The following NPAS2 variants were observed in gnomAD, a reference collection of about 807,000 sequenced individuals.
The protein encoded by NPAS2 is neuronal PAS domain-containing protein 2.
NPAS2 carries 23 observed loss-of-function variants against 107.5 expected under a neutral mutation model. The observed-to-expected ratio is 0.21, with a 90% CI of 0.15 to 0.30. The LOEUF (loss-of-function observed/expected upper bound fraction) is 0.30. Ranked by LOEUF, NPAS2 falls within the 10% of genes least tolerant of loss-of-function variation. NPAS2 has a pLI of 1.00. For missense variants in NPAS2, 756 were observed against 1,043.3 expected, an observed-to-expected ratio of 0.72 and a Z score of 3.79; for synonymous variants, 403 against 417.5, an observed-to-expected ratio of 0.97 and a Z score of 0.42.
intron 5 of NPAS2, among the ~76,000 whole-genome samples, chr2:100,944,013 T>C (rs756165374): frequency 6.6e-6 from 1 of 152,228 alleles, no homozygotes; most frequent in African/African-American, 2.4e-5. Flanking sequence ...GTACCTTTTA[T>C]ATCTCAATTA....
chr2:100,870,882 G>C (rs1679540383), intron 1 of NPAS2, among the ~76,000 whole-genome samples: 1 of 152,206 alleles, frequency 6.6e-6, no homozygotes, highest in African/African-American at 2.4e-5. Flanking sequence ...GGGAGTCAAT[G>C]CTTCCTCTCA....
At chr2:100,982,493 C>G in intron 16 of NPAS2, 116 bp downstream of exon 16, 1 of 1,223,016 alleles carries the variant, frequency 8.2e-7, no homozygotes, top group African/African-American at 1.5e-5. Context: ...CTGCCAAGCC[C>G]CATTTGCTTA....
intron 1 of NPAS2, among the ~76,000 whole-genome samples, chr2:100,884,423 G>A: frequency 6.6e-6 from 1 of 152,170 alleles, no homozygotes; most frequent in Admixed American, 6.5e-5. Context: ...TGTATGTCTT[G>A]TACAGCTCAC....
chr2:100,832,654 C>A (rs1017156778), intron 1 of NPAS2, among the ~76,000 whole-genome samples: 2 of 152,116 alleles, frequency 1.3e-5, no homozygotes, highest in Non-Finnish European at 2.9e-5. Context: ...CCCAGAAGAA[C>A]GTTGCTGCTG....
chr2:100,980,345 C>T (rs1677359917), intron 15 of NPAS2, among the ~76,000 whole-genome samples: 3 of 152,304 alleles, frequency 2.0e-5, no homozygotes, highest in East Asian at 3.9e-4. Flanking sequence ...TGGAATAGCT[C>T]GTTTGCTTTC....
Position 100,975,006 on chromosome 2 carries a change from C to G in NPAS2, c.1282+62C>G. 3 of 1,582,316 alleles carry G rather than the reference C, an allele frequency of 1.9e-6. No homozygotes were observed. The Admixed American group carries it at 5.2e-5, about 27-fold the overall frequency. On this transcript the variant is annotated intron_variant, in intron 13 of 20. Transcript: ENST00000335681. The stretch of plus-strand genomic sequence containing the variant: ...ACATCAGACCAGAGGGACAGCCCCA[C>G]AGAGGGTCCCGGGCCCAAGTGGAAT...
chr2:100,871,572 C>G (rs1345113005), intron 1 of NPAS2, among the ~76,000 whole-genome samples: 1 of 152,050 alleles, frequency 6.6e-6, no homozygotes, highest in Non-Finnish European at 1.5e-5. Flanking sequence ...CTCAAGTGAT[C>G]TGCCCGCCTT....
At chr2:100,927,922 C>T (rs999244967) in intron 3 of NPAS2, among the ~76,000 whole-genome samples, 7 of 152,150 alleles carry the variant, frequency 4.6e-5, no homozygotes, top group African/African-American at 1.7e-4. Context: ...TTAATCATGA[C>T]ACCAAACATA....
chr2:100,948,297 T>C lies in NPAS2; in HGVS notation c.426T>C (p.Tyr142=), dbSNP rs1207665124. 2 of 1,613,256 alleles carry C rather than the reference T, an allele frequency of 1.2e-6. No individual in the cohort carries two copies. The highest frequency in any genetic ancestry group is 8.5e-7 in the Non-Finnish European group (1 of 1,179,684). ...FLPEQEHSEV[Y]KILSSHMLVT... The stretch of plus-strand genomic sequence containing the variant: ...CAGAACAAGAACATTCAGAAGTTTA[T>C]AAAATCCTTTCTTCCCATATGCTTG... Residue 142 remains tyrosine (Y), a synonymous_variant, in exon 6 of 21, where the codon TAT becomes TAC. Transcript: ENST00000335681.
At position 100,933,100 on chromosome 2, in the gene NPAS2, A is replaced by G. The variant is rs189693085; in HGVS notation, c.273+99A>G. On this transcript the variant is annotated intron_variant, in intron 4 of 20. Transcript: ENST00000335681. ...TACCCAAAGGAAACTACTGTTCTTG[A>G]TCCTGGGAAGACTTGACTTTGAAAC... 1.3e-3 allele frequency: 1,083 copies of G among 860,836 alleles called. 5 individuals are homozygous for G. Among genetic ancestry groups the G allele is most frequent in the Admixed American group, 5.6e-3 (268 of 47,534 alleles). The allele number at this position is 860,836 out of a possible 1,614,324, so 53.3% of individuals were successfully genotyped here. A position where few individuals can be genotyped will look rare whatever the true frequency, so the allele number is the denominator to read the frequency against.
At chr2:100,869,524 C>T (rs899020430) in intron 1 of NPAS2, among the ~76,000 whole-genome samples, 1 of 152,308 alleles carries the variant, frequency 6.6e-6, no homozygotes, top group South Asian at 2.1e-4. Context: ...TTTCAAACCA[C>T]GCAGTGGGAA....
chr2:100,921,833 C>T (rs757773602), intron 2 of NPAS2, among the ~76,000 whole-genome samples: 2 of 151,100 alleles, frequency 1.3e-5, no homozygotes, highest in Non-Finnish European at 3.0e-5. Flanking sequence ...TCTGTATTCA[C>T]CCAAGAGAAA....
At chr2:100,858,734 T>A (rs947532204) in intron 1 of NPAS2, among the ~76,000 whole-genome samples, 2 of 152,220 alleles carry the variant, frequency 1.3e-5, no homozygotes, top group Non-Finnish European at 2.9e-5. Flanking sequence ...ATTTTTTTAA[T>A]CACCTTCTCC....
chr2:100,901,967 T>C (rs1473154024), intron 1 of NPAS2, among the ~76,000 whole-genome samples: 1 of 152,178 alleles, frequency 6.6e-6, no homozygotes, highest in Non-Finnish European at 1.5e-5. Context: ...CATTGTTCAC[T>C]CTGGGGGTTC....
At chr2:100,901,733 G>A (rs777741091) in intron 1 of NPAS2, 1 of 166,416 alleles carries the variant, frequency 6.0e-6, no homozygotes, top group Non-Finnish European at 1.2e-5. Context: ...CCTTACAGGT[G>A]TTCACAGCTC....
intron 1 of NPAS2, among the ~76,000 whole-genome samples, chr2:100,884,072 G>A (rs1451640316): frequency 2.6e-5 from 4 of 152,206 alleles, no homozygotes; most frequent in Non-Finnish European, 1.5e-5. Flanking sequence ...AAAACCGGGG[G>A]CAGGTGCTCG....
intron 7 of NPAS2, among the ~76,000 whole-genome samples, chr2:100,955,566 G>A (rs1203956863): frequency 3.9e-5 from 6 of 152,192 alleles, no homozygotes; most frequent in Non-Finnish European, 8.8e-5. Flanking sequence ...CTTATATGCA[G>A]AAGAGCTGCA....
intron 5 of NPAS2, among the ~76,000 whole-genome samples, chr2:100,940,270 T>C (rs1674497504): frequency 6.6e-6 from 1 of 152,236 alleles, no homozygotes. Flanking sequence ...GGTAGCTGAC[T>C]GCAGAACCCA....
At chr2:100,853,910 T>C (rs935288096) in intron 1 of NPAS2, among the ~76,000 whole-genome samples, 8 of 146,142 alleles carry the variant, frequency 5.5e-5, no homozygotes, top group African/African-American at 2.0e-4. Flanking sequence ...CCGGGCACGG[T>C]GGCTCACTTC....
Sources: allele counts gnomAD v4.1 joint callset (sites outside exome capture counted in the v4.1 genomes callset), GRCh38; gene constraint gnomAD v4.1.1; transcripts MANE v1.5; gene names NCBI Gene and HGNC (gene_info 2026-07-23, HGNC 2026-07-21).